The following MIPOL1 variants were observed in gnomAD, a reference collection of about 807,000 sequenced individuals.
MIPOL1 encodes mirror-image polydactyly 1, also known as mirror-image polydactyly gene 1 protein.
A neutral mutation model predicts 60.9 loss-of-function variants in MIPOL1; 57 were observed. The ratio of observed to expected loss-of-function variants is 0.94; its 90% CI spans 0.76 to 1.17. The LOEUF is 1.17. MIPOL1 is among the 50% of genes most tolerant of loss of function. The pLI is 0.00. For synonymous variants in MIPOL1, 179 were observed against 168.8 expected (o/e 1.06, Z -0.47); for missense variants, 551 against 511.6 (o/e 1.08, Z -0.74).
chr14:37,263,804 T>G (rs2082677709), intron 3 of MIPOL1, among the ~76,000 whole-genome samples: 1 of 152,220 alleles, frequency 6.6e-6, no homozygotes, highest in South Asian at 2.1e-4. Flanking sequence ...AAAGAGAGTT[T>G]CCGTTTCAAA....
intron 11 of MIPOL1, among the ~76,000 whole-genome samples, chr14:37,486,778 C>T (rs190475936): frequency 2.6e-5 from 4 of 152,260 alleles, no homozygotes; most frequent in African/African-American, 9.6e-5. Flanking sequence ...TGCAAACAGA[C>T]AATTTGACTT....
chr14:37,291,066 C>T (rs2085013392), intron 7 of MIPOL1, among the ~76,000 whole-genome samples: 1 of 152,126 alleles, frequency 6.6e-6, no homozygotes, highest in Admixed American at 6.5e-5. Flanking sequence ...TGGTTCCATA[C>T]TATTATTTCA....
chr14:37,543,457 A>G (rs2095537285), intron 12 of MIPOL1, among the ~76,000 whole-genome samples: 2 of 151,826 alleles, frequency 1.3e-5, no homozygotes, highest in Non-Finnish European at 2.9e-5. Flanking sequence ...TTTTATTTTT[A>G]GTAGAAACAG....
intron 11 of MIPOL1, among the ~76,000 whole-genome samples, chr14:37,424,721 G>T (rs1050212395): frequency 2.0e-5 from 3 of 152,140 alleles, no homozygotes; most frequent in Non-Finnish European, 4.4e-5. Context: ...CTATAAGTGG[G>T]CATACAGGTA....
intron 12 of MIPOL1, among the ~76,000 whole-genome samples, chr14:37,517,616 A>T (rs543910151): frequency 4.6e-5 from 7 of 152,200 alleles, no homozygotes; most frequent in African/African-American, 1.7e-4. Flanking sequence ...TGTTTTTAAT[A>T]GCAAATAAAA....
At chr14:37,247,973 G>A in intron 3 of MIPOL1, 66 bp downstream of exon 3, 3 of 1,557,420 alleles carry the variant, frequency 1.9e-6, no homozygotes, top group South Asian at 1.1e-5. Context: ...ACTGAGTGAA[G>A]TGTGTTTGTT....
chr14:37,497,451 G>A (rs763066220), intron 11 of MIPOL1, among the ~76,000 whole-genome samples: 1 of 152,188 alleles, frequency 6.6e-6, no homozygotes, highest in Non-Finnish European at 1.5e-5. Flanking sequence ...AATGGAGTAG[G>A]CTAAGATTTT....
At chr14:37,203,668 G>A (rs1044221451) in intron 1 of MIPOL1, among the ~76,000 whole-genome samples, 2 of 152,174 alleles carry the variant, frequency 1.3e-5, no homozygotes, top group African/African-American at 4.8e-5. Context: ...TCACCTTGAG[G>A]AAGTCAGCTG....
intron 10 of MIPOL1, among the ~76,000 whole-genome samples, chr14:37,378,510 T>A (rs2092836768): frequency 6.6e-6 from 1 of 152,026 alleles, no homozygotes; most frequent in South Asian, 2.1e-4. Context: ...GAGTTAGGTT[T>A]GGGAACAGGC....
At chr14:37,541,443 G>A (rs768694858) in intron 12 of MIPOL1, among the ~76,000 whole-genome samples, 2 of 151,992 alleles carry the variant, frequency 1.3e-5, no homozygotes, top group African/African-American at 2.4e-5. Context: ...CTTGCTTTCC[G>A]CAAACCTACC....
intron 10 of MIPOL1, among the ~76,000 whole-genome samples, chr14:37,409,875 A>G (rs1405908549): frequency 2.0e-5 from 3 of 152,218 alleles, no homozygotes; most frequent in Non-Finnish European, 2.9e-5. Context: ...AGATGGATGA[A>G]TCAAATATTA....
chr14:37,219,435 A>G (rs1337426703), intron 1 of MIPOL1: 1 of 152,184 alleles, frequency 6.6e-6, no homozygotes, highest in Non-Finnish European at 1.5e-5. Flanking sequence ...TGGTGTGATC[A>G]CTGTTCACTG....
chr14:37,457,123 T>C (rs1285711992), intron 11 of MIPOL1, among the ~76,000 whole-genome samples: 1 of 152,166 alleles, frequency 6.6e-6, no homozygotes, highest in Non-Finnish European at 1.5e-5. Flanking sequence ...AGAATTGGCA[T>C]CTGGGGACTT....
At chr14:37,410,238 A>T (rs1028986209) in intron 10 of MIPOL1, among the ~76,000 whole-genome samples, 4 of 176 alleles carry the variant, frequency 0.023, no homozygotes, top group Admixed American at 0.083. Context: ...AATGCTTTAA[A>T]TATACAAAAG....
At chr14:37,467,683 C>T (rs142042414) in intron 11 of MIPOL1, among the ~76,000 whole-genome samples, 19 of 152,174 alleles carry the variant, frequency 1.2e-4, no homozygotes, top group African/African-American at 4.3e-4. Context: ...TCTTAAGAAA[C>T]ATTAATTAAC....
chr14:37,308,428 A>G lies in MIPOL1; in HGVS notation c.737A>G (p.Asp246Gly). Residue 246 changes from aspartate to glycine, a missense_variant, in exon 9 of 13, where the codon GAT (aspartate) becomes GGT (glycine). By Grantham distance (94) the Asp-to-Gly change is moderately conservative (BLOSUM62 -1). Coordinates refer to ENST00000684589, the MANE Select transcript of MIPOL1 (RefSeq NM_001388067.1). Reference protein sequence around the residue: ...AIQKNGAIIVDRIYKTKECKM... With the variant: ...AIQKNGAIIVGRIYKTKECKM... ...CAGAAGAATGGAGCTATAATTGTGG[A>G]TAGAATCTACAAGACCAAGGAATGT... 6.2e-7 allele frequency: 1 copy of G among 1,606,578 alleles called. No homozygotes were observed. The highest frequency in any genetic ancestry group is 8.5e-7 in the Non-Finnish European group (1 of 1,177,266).
intron 9 of MIPOL1, among the ~76,000 whole-genome samples, chr14:37,365,070 C>A (rs1325302784): frequency 6.6e-6 from 1 of 152,170 alleles, no homozygotes. Flanking sequence ...TGCAACCTTA[C>A]TGAATTTATC....
Position 37,451,816 on chromosome 14 carries a change from T to C in MIPOL1, c.1031+28867T>C, listed in dbSNP as rs1169527269. Among the ~76,000 whole-genome samples the C allele has an allele frequency of 2.2e-4, 28 of 128,074 alleles. No homozygotes were observed. In the South Asian group the frequency reaches 3.1e-3, roughly 14 times the overall value. 84.0% of individuals were successfully genotyped at this position (128,074 alleles called of 152,430 possible). ...TCTTTTGTTTATTCTCTCTTTTTTT[T>C]TTTTTTTTTTTTTTTTGAGACGGAG... is the stretch of plus-strand genomic sequence containing the variant. On this transcript the variant is annotated intron_variant, in intron 11 of 12. Transcript: ENST00000684589.
At chr14:37,388,585 C>T (rs577934462) in intron 10 of MIPOL1, among the ~76,000 whole-genome samples, 5 of 151,120 alleles carry the variant, frequency 3.3e-5, no homozygotes, top group African/African-American at 7.3e-5. Context: ...ATATGTCCAC[C>T]GTAATGAAGA....
Sources: gnomAD v4.1 joint callset for allele counts (sites outside exome capture counted in the v4.1 genomes callset) on GRCh38, gnomAD v4.1.1 for gene constraint, MANE v1.5 for transcripts, NCBI Gene and HGNC (gene_info 2026-07-23, HGNC 2026-07-21) for gene names.